The following ROCK1 variants were observed in gnomAD, a reference collection of about 807,000 sequenced individuals.
ROCK1 encodes the protein rho-associated protein kinase 1.
ROCK1 carries 36 observed loss-of-function variants against 196.8 expected under a neutral mutation model. The observed-to-expected ratio is 0.18, with a 90% confidence interval of 0.14 to 0.24. The LOEUF is 0.24. Among genes scored for constraint, ROCK1 ranks in the 10% least tolerant of loss-of-function variants. The pLI is 1.00. For synonymous variants in ROCK1, 443 were observed against 515.9 expected (o/e 0.86, Z 1.91); for missense variants, 920 against 1,562.0 (o/e 0.59, Z 6.93).
At chr18:21,040,387 T>C (rs2036095050) in intron 8 of ROCK1, among the ~76,000 whole-genome samples, 1 of 152,234 alleles carries the variant, frequency 6.6e-6, no homozygotes. Context: ...TTCTTGATAC[T>C]GCCACAGAAT....
intron 9 of ROCK1, among the ~76,000 whole-genome samples, chr18:21,034,596 T>A (rs1334351824): frequency 6.6e-6 from 1 of 152,206 alleles, no homozygotes; most frequent in Non-Finnish European, 1.5e-5. Flanking sequence ...GATATCCACA[T>A]ACAAAAATGT....
Position 21,039,554 on chromosome 18 carries a change from C to T in ROCK1, c.969G>A (p.Arg323=). The T allele has an allele frequency of 6.2e-7, 1 of 1,611,228 alleles. No individual in the cohort carries two copies. The highest frequency in any genetic ancestry group is 1.7e-4 in the Middle Eastern group (1 of 6,052). The change falls in exon 9 of 33, where the codon AGG becomes AGA. Residue 323 remains arginine, a synonymous_variant. Coordinates refer to ENST00000399799, the MANE Select transcript of ROCK1 (RefSeq NM_005406.3). ...ICAFLTDREV[R]LGRNGVEEIK... ...TTTCTTCTACACCATTTCGCCCTAACCTCACTTCCCTGAATAATGACAGAA... is the reference window on the plus strand; with the variant it reads ...TTTCTTCTACACCATTTCGCCCTAATCTCACTTCCCTGAATAATGACAGAA...
chr18:21,041,684 G>C (rs1364892675), intron 8 of ROCK1, among the ~76,000 whole-genome samples: 2 of 152,070 alleles, frequency 1.3e-5, no homozygotes, highest in Non-Finnish European at 2.9e-5. Context: ...ATGGTTTAAA[G>C]TATAAGGTGT....
chr18:21,100,250 C>G (rs916171754), intron 1 of ROCK1, among the ~76,000 whole-genome samples: 7 of 151,484 alleles, frequency 4.6e-5, no homozygotes, highest in African/African-American at 1.7e-4. Context: ...TATCATAGCT[C>G]TATTCACTGA....
intron 8 of ROCK1, among the ~76,000 whole-genome samples, chr18:21,040,033 G>C (rs1213180532): frequency 1.3e-5 from 2 of 152,158 alleles, no homozygotes. Flanking sequence ...CTCCAGCCTG[G>C]ATGAAACACA....
chr18:21,046,126 G>C (rs2036156067), intron 4 of ROCK1, among the ~76,000 whole-genome samples: 1 of 151,918 alleles, frequency 6.6e-6, no homozygotes, highest in Non-Finnish European at 1.5e-5. Flanking sequence ...TAGCCAGGAT[G>C]GTCTCGATCT....
Position 20,967,787 on chromosome 18 carries a change from C to A in ROCK1, c.3157G>T (p.Val1053Leu). The A allele has an allele frequency of 2.5e-6, 4 of 1,604,486 alleles. No individual in the cohort carries two copies. Among genetic ancestry groups the A allele is most frequent in the Non-Finnish European group, 3.4e-6 (4 of 1,177,180 alleles). The change falls in exon 26 of 33, where the codon GTG becomes TTG. Residue 1053 changes from valine (V) to leucine (L), a missense_variant. Val to Leu is a conservative substitution (Grantham distance 32, BLOSUM62 1). Transcript: ENST00000399799. ...QEREKFNQMV[V>L]KHQKELNDMQ... ...TCATTCAGTTCCTTCTGATGTTTCA[C>A]TACCATCTGGTTGAATTTCTCTCTT...
chr18:21,077,601 T>C (rs1415120540), intron 1 of ROCK1, among the ~76,000 whole-genome samples: 3 of 26,922 alleles, frequency 1.1e-4, no homozygotes, highest in Non-Finnish European at 2.4e-4. Flanking sequence ...AGAGGAGAAG[T>C]GGGGCGAGAC....
At chr18:21,010,707 A>T (rs1396196024) in intron 13 of ROCK1, among the ~76,000 whole-genome samples, 1 of 152,220 alleles carries the variant, frequency 6.6e-6, no homozygotes, top group Non-Finnish European at 1.5e-5. Context: ...AGGGTTCTGT[A>T]AATGTTGAAC....
At chr18:20,957,545 A>G (rs1379238242) in intron 29 of ROCK1, among the ~76,000 whole-genome samples, 2 of 152,216 alleles carry the variant, frequency 1.3e-5, no homozygotes, top group East Asian at 3.9e-4. Flanking sequence ...CAGTGGCGCA[A>G]TCTTGGCTCA....
chr18:20,973,109 C>T (rs185103813), intron 22 of ROCK1, among the ~76,000 whole-genome samples: 4 of 151,902 alleles, frequency 2.6e-5, no homozygotes, highest in African/African-American at 9.7e-5. Flanking sequence ...GAACTCCCGA[C>T]CTCAGGGAAT....
intron 21 of ROCK1, 116 bp from the exon 22 acceptor site, chr18:20,980,120 T>C (rs1260164372): frequency 2.2e-5 from 28 of 1,261,704 alleles, no homozygotes; most frequent in Non-Finnish European, 7.2e-6. Context: ...TCTCAAGTAT[T>C]TACCCATGAC....
chr18:21,042,799 C>A, intron 6 of ROCK1, 90 bp from the exon 7 acceptor site: 3 of 1,257,978 alleles, frequency 2.4e-6, no homozygotes, highest in South Asian at 1.6e-5. Context: ...CTATGGGACT[C>A]CAAATCTTTG....
chr18:20,996,445 T>TA (rs2035671273), intron 16 of ROCK1, among the ~76,000 whole-genome samples: 1 of 152,058 alleles, frequency 6.6e-6, no homozygotes, highest in Admixed American at 6.5e-5. Flanking sequence ...AGAGAGTATC[T>TA]AAGAGTTATT....
chr18:21,095,061 A>C (rs927716323), intron 1 of ROCK1, among the ~76,000 whole-genome samples: 3 of 151,676 alleles, frequency 2.0e-5, no homozygotes, highest in Non-Finnish European at 4.4e-5. Context: ...AAAAAAAAAA[A>C]AAAAAAAAAA....
At chr18:21,013,884 A>C (rs560228685) in intron 13 of ROCK1, among the ~76,000 whole-genome samples, 1 of 151,710 alleles carries the variant, frequency 6.6e-6, no homozygotes, top group African/African-American at 2.4e-5. Context: ...ATACAGTGAA[A>C]CCCCATCTCT....
intron 22 of ROCK1, 111 bp downstream of exon 22, chr18:20,979,799 A>T (rs2035513969): frequency 1.6e-6 from 2 of 1,283,608 alleles, no homozygotes; most frequent in Non-Finnish European, 2.1e-6. Flanking sequence ...AGCCCAATAA[A>T]CTGTGTTCTA....
At chr18:21,084,927 A>G (rs895950878) in intron 1 of ROCK1, among the ~76,000 whole-genome samples, 1 of 152,252 alleles carries the variant, frequency 6.6e-6, no homozygotes, top group African/African-American at 2.4e-5. Context: ...TTAAAAAAGG[A>G]AATGCTGACA....
rs2035545354 is a variant in ROCK1, at chr18:20,982,847, A to C, written c.2490-15T>G. ...CTCTATACTGTCTTCAGATGAAAAGAAAAACAAGTGAACAAACGCTCCTAC... is the reference window on the plus strand; with the variant it reads ...CTCTATACTGTCTTCAGATGAAAAGCAAAACAAGTGAACAAACGCTCCTAC... On this transcript the variant is annotated splice_polypyrimidine_tract_variant and intron_variant, in intron 20 of 32. Transcript: ENST00000399799. 1.5e-6 allele frequency: 2 copies of C among 1,342,932 alleles called. No homozygotes were observed. The highest frequency in any genetic ancestry group is 2.9e-5 in the African/African-American group (2 of 68,530). 83.2% of individuals were successfully genotyped at this position (1,342,932 alleles called of 1,614,324 possible). A position where few individuals can be genotyped will look rare whatever the true frequency, so the allele number is the denominator to read the frequency against.
Sources: gnomAD v4.1 joint callset for allele counts (sites outside exome capture counted in the v4.1 genomes callset) on GRCh38, gnomAD v4.1.1 for gene constraint, MANE v1.5 for transcripts, NCBI Gene and HGNC (gene_info 2026-07-23, HGNC 2026-07-21) for gene names.